CD47: variants seen among roughly 807,000 people sequenced by gnomAD.
The protein encoded by CD47 is leukocyte surface antigen CD47.
In CD47, 11 loss-of-function variants were observed where a neutral mutation model predicts 44.6. The ratio of observed to expected loss-of-function variants is 0.25; its 90% CI spans 0.16 to 0.41. The LOEUF (loss-of-function observed/expected upper bound fraction) is 0.41, where lower values mean the gene tolerates loss of function less well. CD47 is among the 10% of genes least tolerant of loss of function. The pLI, the probability that CD47 is intolerant of heterozygous loss-of-function variation, is 1.00. For synonymous variants in CD47, 140 were observed against 136.3 expected (o/e 1.03, Z -0.19); for missense variants, 306 against 386.7 (o/e 0.79, Z 1.75).
chr3:108,067,147 A>G (rs1243511349), intron 3 of CD47, among the ~76,000 whole-genome samples: 1 of 152,224 alleles, frequency 6.6e-6, no homozygotes. Context: ...TTAATTTACC[A>G]CATACTAAAT....
intron 3 of CD47, among the ~76,000 whole-genome samples, chr3:108,070,486 A>C (rs2079180294): frequency 6.6e-6 from 1 of 152,214 alleles, no homozygotes; most frequent in Non-Finnish European, 1.5e-5. Flanking sequence ...TGTTGAAGCT[A>C]AATCTAATGC....
chr3:108,076,843 T>C (rs1310652225), intron 2 of CD47, among the ~76,000 whole-genome samples: 1 of 152,074 alleles, frequency 6.6e-6, no homozygotes, highest in East Asian at 1.9e-4. Flanking sequence ...GTAAGAGAGG[T>C]ATTATTTATA....
chr3:108,072,031 A>C (rs1288536646), intron 2 of CD47, among the ~76,000 whole-genome samples: 3 of 152,222 alleles, frequency 2.0e-5, no homozygotes, highest in African/African-American at 7.2e-5. Context: ...CACATATCCT[A>C]TATAAAGGAA....
In CD47 at chr3:108,043,442, A is replaced by T. The variant is rs1016465249; in HGVS notation, c.*3846T>A. 7.5e-5 allele frequency: 11 copies of T among 145,752 alleles called. No individual in the cohort carries two copies. In the South Asian group the frequency reaches 1.3e-3, roughly 17 times the overall value. The allele number at this position is 145,752 out of a possible 1,614,324, so 9.0% of individuals were successfully genotyped here. A position where few individuals can be genotyped will look rare whatever the true frequency, so the allele number is the denominator to read the frequency against. On this transcript the variant is annotated 3_prime_UTR_variant, in exon 11 of 11. Coordinates refer to ENST00000361309, the MANE Select transcript of CD47 (RefSeq NM_001777.4). The stretch of plus-strand genomic sequence containing the variant: ...AGTGATAAATTGATTTAATACATAT[A>T]AAAAAAAAAACCTTTAACGGTAACA...
intron 10 of CD47, among the ~76,000 whole-genome samples, chr3:108,047,740 T>A (rs113686772): frequency 2.1e-4 from 32 of 152,328 alleles, no homozygotes. Context: ...AAGGCAGACA[T>A]ACTGTAAGCA....
chr3:108,062,563 G>T (rs2079032528), intron 3 of CD47, among the ~76,000 whole-genome samples: 1 of 151,642 alleles, frequency 6.6e-6, no homozygotes, highest in Non-Finnish European at 1.5e-5. Context: ...CAAGCAACAA[G>T]AATTTGCCTT....
intron 3 of CD47, among the ~76,000 whole-genome samples, chr3:108,065,344 G>A (rs2079085108): frequency 6.6e-6 from 1 of 152,144 alleles, no homozygotes; most frequent in Non-Finnish European, 1.5e-5. Context: ...TGTGATGTCT[G>A]GATTTGGAAA....
rs1200837699 is a variant in CD47 at position 108,058,417 on chromosome 3, G to A, written c.704C>T (p.Thr235Ile). The change falls in exon 6 of 11, where the codon ACC becomes ATC. Residue 235 changes from threonine to isoleucine, a missense_variant. Transcript: ENST00000361309. ...AACCAATATGGCAATGACGAAGGAG[G>A]TTAATCCAATCGCTGGAGGAAGGAA... is the stretch of plus-strand genomic sequence containing the variant. ...YYVFSTAIGL[T>I]SFVIAILVIQ... 2 of 1,562,346 alleles carry A rather than the reference G, an allele frequency of 1.3e-6. No homozygotes were observed. The highest frequency in any genetic ancestry group is 1.2e-5 in the South Asian group (1 of 84,822).
intron 10 of CD47, among the ~76,000 whole-genome samples, chr3:108,049,094 ATCTCTCTCTCTCTC>A (rs55708779): frequency 0.11 from 13,593 of 129,264 alleles, 1,256 homozygotes; most frequent in East Asian, 0.5. Flanking sequence ...AGGACGAAAC[ATCTCTCTCTCTCTC>A]TCTCTCTCTC....
In CD47 at chr3:108,073,006, C is replaced by T. The variant is rs1479375072; in HGVS notation, c.401-1824G>A. On this transcript the variant is annotated intron_variant, in intron 2 of 10. Coordinates refer to ENST00000361309, the MANE Select transcript of CD47 (RefSeq NM_001777.4). Reference sequence around the variant, plus strand: ...GATATTTTCATCACCCCATCCCCCACTAAACTCCCCCTCTCATTTTCCTCA... The same window carrying T: ...GATATTTTCATCACCCCATCCCCCATTAAACTCCCCCTCTCATTTTCCTCA... Among the ~76,000 whole-genome samples, 3 of 144,362 alleles carry T rather than the reference C, an allele frequency of 2.1e-5. No homozygotes were observed. In the East Asian group the frequency reaches 6.7e-4, roughly 32 times the overall value. 94.7% of individuals were successfully genotyped at this position (144,362 alleles called of 152,430 possible). A position where few individuals can be genotyped will look rare whatever the true frequency, so the allele number is the denominator to read the frequency against.
chr3:108,080,771 C>T (rs1435772196), intron 1 of CD47, among the ~76,000 whole-genome samples: 1 of 151,830 alleles, frequency 6.6e-6, no homozygotes. Flanking sequence ...TCAACTTCAA[C>T]ACACTGCTAA....
chr3:108,076,330 T>G (rs1194669875), intron 2 of CD47, among the ~76,000 whole-genome samples: 1 of 152,224 alleles, frequency 6.6e-6, no homozygotes, highest in Non-Finnish European at 1.5e-5. Context: ...GAACTTGAAC[T>G]GACCTTTCTA....
At chr3:108,050,941 A>G in intron 8 of CD47, 1 of 322,698 alleles carries the variant, frequency 3.1e-6, no homozygotes, top group South Asian at 2.6e-5. Flanking sequence ...CACAGTGAAG[A>G]GGTGGAAGCA....
intron 9 of CD47, among the ~76,000 whole-genome samples, chr3:108,050,196 C>T (rs534035872): frequency 2.6e-4 from 40 of 152,278 alleles, no homozygotes; most frequent in Non-Finnish European, 5.0e-4. Context: ...CAACTCACTG[C>T]AACATCTGCC....
In CD47 at chr3:108,055,636, A is replaced by G; in HGVS notation, c.877+1841T>C. On this transcript the variant is annotated intron_variant, in intron 7 of 10. Coordinates refer to ENST00000361309, the MANE Select transcript of CD47 (RefSeq NM_001777.4). ...TCAATAAAATTAGGACACTATCAAT[A>G]AAATTGCACTAAATTTTAAACATAT... is the stretch of plus-strand genomic sequence containing the variant. 4.8e-6 allele frequency: 4 copies of G among 828,642 alleles called. No homozygotes were observed. The South Asian group carries it at 5.7e-5, about 12-fold the overall frequency. 51.3% of individuals were successfully genotyped at this position (828,642 alleles called of 1,614,324 possible).
intron 2 of CD47, among the ~76,000 whole-genome samples, chr3:108,078,402 G>A (rs1179050048): frequency 6.6e-6 from 1 of 151,586 alleles, no homozygotes; most frequent in Non-Finnish European, 1.5e-5. Context: ...TCATCTTCTG[G>A]CCTTTCAAAT....
chr3:108,085,508 T>C (rs2079502768), intron 1 of CD47, among the ~76,000 whole-genome samples: 2 of 152,180 alleles, frequency 1.3e-5, no homozygotes, highest in South Asian at 4.1e-4. Flanking sequence ...TACAGTTTGC[T>C]AACTTTTGCT....
In CD47 at chr3:108,047,035, T is replaced by C. The variant is rs897319158; in HGVS notation, c.*253A>G. On this transcript the variant is annotated 3_prime_UTR_variant, in exon 11 of 11. Coordinates refer to ENST00000361309, the MANE Select transcript of CD47 (RefSeq NM_001777.4). ...CATTCTACTATTGCCCCTAATTGATTAAAAATAACAACAAAAAACTGGATC... is the reference window on the plus strand; with the variant it reads ...CATTCTACTATTGCCCCTAATTGATCAAAAATAACAACAAAAAACTGGATC... The C allele has an allele frequency of 1.7e-5, 7 of 418,224 alleles. No homozygotes were observed. The highest frequency in any genetic ancestry group is 3.0e-5 in the Non-Finnish European group (7 of 236,386). 25.9% of individuals were successfully genotyped at this position (418,224 alleles called of 1,614,324 possible).
At chr3:108,063,844 A>G (rs577620863) in intron 3 of CD47, among the ~76,000 whole-genome samples, 1 of 152,368 alleles carries the variant, frequency 6.6e-6, no homozygotes, top group Admixed American at 6.5e-5. Context: ...AAAATAAAGT[A>G]CATGAGAAAT....
Sources: gnomAD v4.1 joint callset for allele counts (sites outside exome capture counted in the v4.1 genomes callset) on GRCh38, gnomAD v4.1.1 for gene constraint, MANE v1.5 for transcripts, NCBI Gene and HGNC (gene_info 2026-07-23, HGNC 2026-07-21) for gene names.